The following HIPK2 variants were observed in gnomAD, a reference collection of about 807,000 sequenced individuals.
HIPK2 encodes homeodomain-interacting protein kinase 2.
In HIPK2, 27 loss-of-function variants were observed where a neutral mutation model predicts 113.7. The observed-to-expected ratio is 0.24, with a 90% CI of 0.17 to 0.33. HIPK2 has a LOEUF of 0.33. Ranked by LOEUF, HIPK2 falls within the 10% of genes least tolerant of loss-of-function variation. The pLI, the probability that HIPK2 is intolerant of heterozygous loss-of-function variation, is 1.00. For missense variants in HIPK2, 1,257 were observed against 1,588.0 expected (o/e 0.79, Z 3.54); for synonymous variants, 631 against 642.2 (o/e 0.98, Z 0.26).
intron 2 of HIPK2, among the ~76,000 whole-genome samples, chr7:139,698,449 T>G: frequency 6.6e-6 from 1 of 152,344 alleles, no homozygotes. Flanking sequence ...GAGTCCTTGT[T>G]TGCACTTCTT....
intron 1 of HIPK2, among the ~76,000 whole-genome samples, chr7:139,726,591 T>A (rs62491704): frequency 0.069 from 10,582 of 152,280 alleles, 486 homozygotes; most frequent in East Asian, 0.17. Context: ...ACTGAAACTC[T>A]GAGGCAAGAA....
At chr7:139,611,546 T>A (rs1799824118) in intron 9 of HIPK2, among the ~76,000 whole-genome samples, 1 of 152,154 alleles carries the variant, frequency 6.6e-6, no homozygotes, top group Non-Finnish European at 1.5e-5. Context: ...TCTATTAATT[T>A]TTTTTTTTCT....
chr7:139,704,770 A>G (rs1437806900), intron 2 of HIPK2, among the ~76,000 whole-genome samples: 2 of 151,734 alleles, frequency 1.3e-5, no homozygotes, highest in Non-Finnish European at 2.9e-5. Flanking sequence ...AGGCAGTTTA[A>G]CCCCCAAGGC....
intron 12 of HIPK2, among the ~76,000 whole-genome samples, chr7:139,589,400 C>A (rs1283311753): frequency 3.7e-5 from 5 of 135,272 alleles, no homozygotes; most frequent in African/African-American, 1.3e-4. Context: ...AGAAAATGAG[C>A]ATTTAAAAAA....
intron 2 of HIPK2, among the ~76,000 whole-genome samples, chr7:139,676,464 C>T (rs1802497352): frequency 6.6e-6 from 1 of 152,220 alleles, no homozygotes; most frequent in Non-Finnish European, 1.5e-5. Flanking sequence ...TGTGCTCACC[C>T]AATGTGATCC....
Position 139,573,104 on chromosome 7 carries a change from G to A in HIPK2, c.3420C>T (p.Ile1140=). 3 of 1,612,020 alleles carry A rather than the reference G, an allele frequency of 1.9e-6. No homozygotes were observed. Among genetic ancestry groups the A allele is most frequent in the East Asian group, 2.2e-5 (1 of 44,830 alleles). Residue 1140 remains isoleucine, a synonymous_variant, in exon 15 of 15, where the codon ATC becomes ATT. Transcript: ENST00000406875. ...CCATGCTCACGGGGACCTGGTGGAC[G>A]ATGCTGGCTGGGTAGGCAGTGTGCT... The part of the protein sequence containing the change: ...TVQHTAYPAS[I]VHQVPVSMGP...
chr7:139,777,607 T>C lies in HIPK2; in HGVS notation c.17A>G (p.Glu6Gly). 9.4e-7 allele frequency: 1 copy of C among 1,065,664 alleles called. No individual in the cohort carries two copies. The highest frequency in any genetic ancestry group is 1.1e-6 in the Non-Finnish European group (1 of 880,654). The allele number at this position is 1,065,664 out of a possible 1,614,324, so 66.0% of individuals were successfully genotyped here. Residue 6 changes from glutamate to glycine, a missense_variant and splice_region_variant, in exon 1 of 15, where the codon GAA (glutamate) becomes GGA (glycine). Physicochemically the swap from Glu to Gly is moderately conservative, Grantham distance 98. Around this residue, in one of 5 missense-constraint regions of HIPK2, gnomAD observed 209 missense variants for 237.8 expected, o/e 0.88. Coordinates refer to ENST00000406875, the MANE Select transcript of HIPK2 (RefSeq NM_022740.5). MAPVY[E>G]GMASHVQVFS... ...CGGCGGGGCCGGGCGCCCCTTACCT[T>C]CGTACACGGGGGCCATCGGGGCCGG...
intron 2 of HIPK2, among the ~76,000 whole-genome samples, chr7:139,709,337 C>A (rs865824527): frequency 2.0e-5 from 3 of 152,238 alleles, no homozygotes; most frequent in Non-Finnish European, 4.4e-5. Context: ...CAGAGACCCT[C>A]TTTTCAATCA....
intron 2 of HIPK2, among the ~76,000 whole-genome samples, chr7:139,641,037 C>G (rs1455291016): frequency 6.6e-6 from 1 of 151,874 alleles, no homozygotes; most frequent in Admixed American, 6.6e-5. Context: ...TTAATATAAC[C>G]AACAGTGAAG....
At chr7:139,715,747 T>G (rs1004374860) in intron 2 of HIPK2, 185 bp downstream of exon 2, 8 of 486,084 alleles carry the variant, frequency 1.6e-5, no homozygotes, top group Non-Finnish European at 1.9e-5. Flanking sequence ...CTGGCTCCGT[T>G]CTAATGTGAC....
At chr7:139,592,691 G>A (rs1028704209) in intron 12 of HIPK2, among the ~76,000 whole-genome samples, 2 of 152,190 alleles carry the variant, frequency 1.3e-5, no homozygotes, top group African/African-American at 4.8e-5. Context: ...CAGGAGACGT[G>A]GATCAAGAGA....
rs538330340 is a variant in HIPK2 at position 139,743,998 on chromosome 7, A to G, written c.20-26983T>C. Among the ~76,000 whole-genome samples, 124 of 152,352 alleles carry G rather than the reference A, an allele frequency of 8.1e-4. 1 individual carries two copies. Among genetic ancestry groups the G allele is most frequent in the African/African-American group, 2.8e-3 (115 of 41,582 alleles). ...GAATATACATTTAGCCAGAGAAGAC[A>G]TACAAATGGTCAATATGCACAGGAT... On this transcript the variant is annotated intron_variant, in intron 1 of 14. Coordinates refer to ENST00000406875, the MANE Select transcript of HIPK2 (RefSeq NM_022740.5).
chr7:139,620,445 G>C lies in HIPK2; in HGVS notation c.1738C>G (p.Leu580Val). 1 of 1,614,012 alleles carries C rather than the reference G, an allele frequency of 6.2e-7. No homozygotes were observed. The highest frequency in any genetic ancestry group is 8.5e-7 in the Non-Finnish European group (1 of 1,179,910). The change falls in exon 7 of 15, where the codon CTG becomes GTG. Residue 580 changes from leucine to valine, a missense_variant. Physicochemically the swap from Leu to Val is conservative, Grantham distance 32. Coordinates refer to ENST00000406875, the MANE Select transcript of HIPK2 (RefSeq NM_022740.5). ...THVAPSTSTN[L>V]TMTFNNQLTT... The stretch of plus-strand genomic sequence containing the variant: ...AGCTGGTTGTTAAAGGTCATGGTCA[G>C]GTTGGTGGACGTGCTGGGGGCCACG...
chr7:139,653,408 G>A (rs1172260648), intron 2 of HIPK2, among the ~76,000 whole-genome samples: 1 of 151,346 alleles, frequency 6.6e-6, no homozygotes, highest in East Asian at 1.9e-4. Context: ...AACTGTTACA[G>A]AATGGGTGGT....
At chr7:139,736,373 G>T (rs1795938876) in intron 1 of HIPK2, among the ~76,000 whole-genome samples, 1 of 152,168 alleles carries the variant, frequency 6.6e-6, no homozygotes, top group Non-Finnish European at 1.5e-5. Context: ...TAGACAGAGG[G>T]GCCAATGCCC....
At chr7:139,774,664 C>T (rs1239565625) in intron 1 of HIPK2, among the ~76,000 whole-genome samples, 1 of 152,120 alleles carries the variant, frequency 6.6e-6, no homozygotes, top group Non-Finnish European at 1.5e-5. Flanking sequence ...GTAATCAACA[C>T]AGCATATCTC....
intron 2 of HIPK2, among the ~76,000 whole-genome samples, chr7:139,660,190 A>C (rs1304373174): frequency 1.3e-5 from 2 of 152,220 alleles, no homozygotes; most frequent in Non-Finnish European, 2.9e-5. Flanking sequence ...GAAACCACTA[A>C]AGGAAAGAGT....
chr7:139,624,374 G>A (rs2116858667), intron 6 of HIPK2, among the ~76,000 whole-genome samples: 1 of 152,132 alleles, frequency 6.6e-6, no homozygotes, highest in African/African-American at 2.4e-5. Context: ...CCACTGGCTG[G>A]ACCTTCCTCT....
chr7:139,765,303 T>C (rs1796535525), intron 1 of HIPK2, among the ~76,000 whole-genome samples: 2 of 152,332 alleles, frequency 1.3e-5, no homozygotes, highest in South Asian at 2.1e-4. Context: ...TAACTCATGA[T>C]AGTAAATAAC....
Sources: gnomAD v4.1 joint callset for allele counts (sites outside exome capture counted in the v4.1 genomes callset) on GRCh38, gnomAD v4.1.1 for gene constraint, gnomAD v4.1.1 regional missense constraint, MANE v1.5 for transcripts, NCBI Gene and HGNC (gene_info 2026-07-23, HGNC 2026-07-21) for gene names.